Variants in SERINC5 observed in about 807,000 individuals in gnomAD.
SERINC5 encodes the protein chromosome 5 open reading frame 12.
Under a neutral mutation model 63.1 loss-of-function variants are expected in SERINC5, and 41 were observed. The observed-to-expected ratio is 0.65, with a 90% CI of 0.51 to 0.84. The LOEUF (loss-of-function observed/expected upper bound fraction) is 0.84. Ranked by LOEUF, SERINC5 falls within the 40% of genes least tolerant of loss-of-function variation. The pLI, the probability that SERINC5 is intolerant of heterozygous loss-of-function variation, is 0.00. For synonymous variants in SERINC5, 222 were observed against 215.2 expected (o/e 1.03, Z -0.28); for missense variants, 523 against 573.0 (o/e 0.91, Z 0.89).
rs1206722219 is a variant in SERINC5, at chr5:80,247,354, C to CTATA, written c.27+8541_27+8542insTATA. Among the ~76,000 whole-genome samples the CTATA allele has an allele frequency of 3.8e-4, 58 of 152,208 alleles. 1 individual carries two copies. In the South Asian group the frequency reaches 0.012, roughly 31 times the overall value. On this transcript the variant is annotated intron_variant, in intron 1 of 11. Transcript: ENST00000507668. ...CTCAGTATCTGTGGGAAATCTACAG[C>CTATA]CTCTATACAGAAAACGAGGGCGGAA...
chr5:80,223,225 C>T (rs981572466), intron 1 of SERINC5, among the ~76,000 whole-genome samples: 7 of 152,136 alleles, frequency 4.6e-5, no homozygotes, highest in African/African-American at 1.4e-4. Context: ...TCAGTATCTG[C>T]GAGGGACTGG....
Position 80,225,439 on chromosome 5 carries a change from A to C in SERINC5, c.28-22386T>G, listed in dbSNP as rs114747303. Among the ~76,000 whole-genome samples, 321 of 152,340 alleles carry C rather than the reference A, an allele frequency of 2.1e-3. 3 individuals carry two copies. The highest frequency in any genetic ancestry group is 7.2e-3 in the African/African-American group (301 of 41,584). Reference sequence around the variant, plus strand: ...TGTAACACCTTGATCACACCTTCACAACCTTCCTCTCATTCTATCTTTATA... The same window carrying C: ...TGTAACACCTTGATCACACCTTCACCACCTTCCTCTCATTCTATCTTTATA... On this transcript the variant is annotated intron_variant, in intron 1 of 11. Coordinates refer to ENST00000507668, the MANE Select transcript of SERINC5 (RefSeq NM_001174072.3).
At chr5:80,181,252 C>T (rs1159977276) in intron 2 of SERINC5, among the ~76,000 whole-genome samples, 3 of 152,114 alleles carry the variant, frequency 2.0e-5, no homozygotes, top group Non-Finnish European at 2.9e-5. Context: ...TCCATTTTCT[C>T]CCCACTCCTT....
chr5:80,246,512 T>A (rs772020746), intron 1 of SERINC5, among the ~76,000 whole-genome samples: 7 of 152,206 alleles, frequency 4.6e-5, no homozygotes, highest in Non-Finnish European at 1.0e-4. Context: ...AAATGCTGTC[T>A]AATCACTATA....
chr5:80,152,103 A>T (rs746775821), intron 8 of SERINC5, among the ~76,000 whole-genome samples: 29 of 152,246 alleles, frequency 1.9e-4, no homozygotes, highest in Non-Finnish European at 3.7e-4. Flanking sequence ...ATGCTAATCC[A>T]GGCCCATGCC....
chr5:80,142,491 A>G lies in SERINC5; in HGVS notation c.*1172T>C. ...TCAAGTGATCCGCCTGCCTCTGCGC[A>G]CCTCTTTTTAAGTATATTCGGCCAC... On this transcript the variant is annotated 3_prime_UTR_variant, in exon 12 of 12. Transcript: ENST00000507668. 1.0e-6 allele frequency: 1 copy of G among 985,166 alleles called. No homozygotes were observed. The highest frequency in any genetic ancestry group is 1.2e-6 in the Non-Finnish European group (1 of 829,812). 61.0% of individuals were successfully genotyped at this position (985,166 alleles called of 1,614,324 possible).
chr5:80,221,090 C>CA (rs1307588433), intron 1 of SERINC5, among the ~76,000 whole-genome samples: 3 of 152,142 alleles, frequency 2.0e-5, no homozygotes, highest in African/African-American at 7.2e-5. Flanking sequence ...GACCTTGGCT[C>CA]AATGGTACTC....
intron 1 of SERINC5, among the ~76,000 whole-genome samples, chr5:80,215,547 T>C (rs763978597): frequency 1.3e-4 from 20 of 152,194 alleles, no homozygotes; most frequent in Non-Finnish European, 2.5e-4. Flanking sequence ...AGAAATATGC[T>C]CTTATAGTTC....
At chr5:80,232,750 C>CT (rs1346548502) in intron 1 of SERINC5, among the ~76,000 whole-genome samples, 2 of 151,814 alleles carry the variant, frequency 1.3e-5, no homozygotes, top group African/African-American at 4.8e-5. Context: ...CGCCACTGCA[C>CT]TCCAGCCTGG....
In SERINC5 at chr5:80,224,917, C is replaced by T. The variant is rs983764151; in HGVS notation, c.28-21864G>A. ...GGAATTACAGGCGTGAGCCATCACG[C>T]CCAGCGTTTTTTTTTTTGTTTTTTT... is the stretch of plus-strand genomic sequence containing the variant. On this transcript the variant is annotated intron_variant, in intron 1 of 11. Transcript: ENST00000507668. Among the ~76,000 whole-genome samples, 24 of 137,224 alleles carry T rather than the reference C, an allele frequency of 1.7e-4. 1 individual carries two copies. The highest frequency in any genetic ancestry group is 6.3e-4 in the East Asian group (3 of 4,788). The allele number at this position is 137,224 out of a possible 152,430, so 90.0% of individuals were successfully genotyped here.
At chr5:80,175,087 G>A (rs757694422) in intron 4 of SERINC5, 40 bp from the exon 5 acceptor site, 37 of 1,405,122 alleles carry the variant, frequency 2.6e-5, no homozygotes, top group East Asian at 5.0e-5. Flanking sequence ...GCAACCTTTC[G>A]TTGTATTTTG....
intron 2 of SERINC5, among the ~76,000 whole-genome samples, chr5:80,200,755 G>C (rs557260743): frequency 6.6e-6 from 1 of 152,100 alleles, no homozygotes; most frequent in Non-Finnish European, 1.5e-5. Flanking sequence ...ACAAAGTGCT[G>C]TTAAGAAAAT....
At chr5:80,247,639 C>T (rs1046726285) in intron 1 of SERINC5, among the ~76,000 whole-genome samples, 3 of 152,170 alleles carry the variant, frequency 2.0e-5, no homozygotes, top group Admixed American at 2.0e-4. Flanking sequence ...AGGTAAGTGA[C>T]AGAGGATTAC....
chr5:80,209,254 G>A (rs1231202246), intron 1 of SERINC5, among the ~76,000 whole-genome samples: 2 of 152,204 alleles, frequency 1.3e-5, no homozygotes, highest in Non-Finnish European at 2.9e-5. Context: ...CTGGGTGACA[G>A]AGCCAGACTC....
chr5:80,141,765 CTT>C lies in SERINC5; in HGVS notation c.*1896_*1897del, dbSNP rs147555955. ...TTTCATTTTGCGACTCCAGATGAAT[CTT>C]TTAACTGCTGAGTACAGAGCTCCTG... On this transcript the variant is annotated 3_prime_UTR_variant, in exon 12 of 12. Transcript: ENST00000507668. The C allele has an allele frequency of 0.016, 15,280 of 985,408 alleles. 132 individuals carry two copies. Among genetic ancestry groups the C allele is most frequent in the Middle Eastern group, 0.019 (37 of 1,914 alleles). The allele number at this position is 985,408 out of a possible 1,614,324, so 61.0% of individuals were successfully genotyped here.
chr5:80,157,435 C>G (rs1033646195), intron 8 of SERINC5: 1 of 152,160 alleles, frequency 6.6e-6, no homozygotes, highest in African/African-American at 2.4e-5. Flanking sequence ...CCCTAGCTCA[C>G]TGCAGCCTTA....
At chr5:80,193,269 C>G (rs1274371961) in intron 2 of SERINC5, among the ~76,000 whole-genome samples, 1 of 152,218 alleles carries the variant, frequency 6.6e-6, no homozygotes, top group Non-Finnish European at 1.5e-5. Flanking sequence ...TCCCATCGCT[C>G]TGAGGCTACT....
chr5:80,115,910 T>G (rs1301043829), intron 11 of SERINC5, among the ~76,000 whole-genome samples: 1 of 151,958 alleles, frequency 6.6e-6, no homozygotes, highest in African/African-American at 2.4e-5. Context: ...ATGGATAAAA[T>G]TATAGAAAGG....
At chr5:80,228,225 T>G (rs1344433123) in intron 1 of SERINC5, among the ~76,000 whole-genome samples, 11 of 93,546 alleles carry the variant, frequency 1.2e-4, no homozygotes, top group South Asian at 9.1e-4. Flanking sequence ...GCAGAGTGAG[T>G]GAGGGAGGGA....
Sources: gnomAD v4.1 joint callset for allele counts (sites outside exome capture counted in the v4.1 genomes callset) on GRCh38, gnomAD v4.1.1 for gene constraint, MANE v1.5 for transcripts, NCBI Gene and HGNC (gene_info 2026-07-23, HGNC 2026-07-21) for gene names.